The following PCDHA6 variants were observed in gnomAD, a reference collection of about 807,000 sequenced individuals.
The protein encoded by PCDHA6 is protocadherin alpha-6.
Under a neutral mutation model 60.3 loss-of-function variants are expected in PCDHA6, and 55 were observed. The observed-to-expected ratio is 0.91, with a 90% confidence interval of 0.73 to 1.14. The LOEUF is 1.14. Among genes scored for constraint, PCDHA6 ranks in the 50% most tolerant of loss-of-function variants. The pLI, the probability that PCDHA6 is intolerant of heterozygous loss-of-function variation, is 0.00. For missense variants in PCDHA6, 1,327 were observed against 1,256.5 expected, an observed-to-expected ratio of 1.06 and a Z score of -0.85; for synonymous variants, 652 against 557.9, an observed-to-expected ratio of 1.17 and a Z score of -2.38.
chr5:140,849,787 G>A lies in PCDHA6; in HGVS notation c.2394+19302G>A, dbSNP rs1421161535. The stretch of plus-strand genomic sequence containing the variant: ...CTGGTGGTTACCGCGCGGGACGGGG[G>A]CTCGCCTTCACTGTGGGCCACGGCC... On this transcript the variant is annotated intron_variant, in intron 1 of 3. Transcript: ENST00000529310. 3.1e-6 allele frequency: 5 copies of A among 1,598,342 alleles called. 1 individual carries two copies. The highest frequency in any genetic ancestry group is 3.4e-4 in the Middle Eastern group (2 of 5,864).
intron 1 of PCDHA6, chr5:140,877,029 G>A (rs782501659): frequency 4.7e-5 from 75 of 1,612,228 alleles, no homozygotes; most frequent in Middle Eastern, 2.0e-4. Context: ...AGGTGTACGC[G>A]CTGCAGCCGC....
At chr5:140,842,942 G>A in intron 1 of PCDHA6, 1 of 1,594,648 alleles carries the variant, frequency 6.3e-7, no homozygotes, top group Non-Finnish European at 8.6e-7. Flanking sequence ...GCGCGACGCG[G>A]GCGTGCCGCC....
chr5:140,863,282 A>G (rs782183211), intron 1 of PCDHA6: 1 of 1,461,396 alleles, frequency 6.8e-7, no homozygotes, highest in Non-Finnish European at 9.3e-7. Flanking sequence ...GTGGATGTCA[A>G]CGTGTACCTG....
At chr5:140,934,528 G>C (rs782284913) in intron 1 of PCDHA6, among the ~76,000 whole-genome samples, 1 of 152,116 alleles carries the variant, frequency 6.6e-6, no homozygotes, top group African/African-American at 2.4e-5. Flanking sequence ...CACTTCGAGA[G>C]CTACCGTTCT....
chr5:140,964,759 G>T (rs1419505922), intron 1 of PCDHA6, among the ~76,000 whole-genome samples: 6 of 151,804 alleles, frequency 4.0e-5, no homozygotes, highest in Non-Finnish European at 7.4e-5. Context: ...GATGTTTGGG[G>T]AGGATGCAGA....
intron 1 of PCDHA6, among the ~76,000 whole-genome samples, chr5:140,957,527 T>C (rs1441282290): frequency 6.6e-6 from 1 of 152,138 alleles, no homozygotes; most frequent in African/African-American, 2.4e-5. Context: ...AGACATTCAG[T>C]GGGGATCTTA....
chr5:141,000,393 CTCTA>C (rs1240848742), intron 3 of PCDHA6, among the ~76,000 whole-genome samples: 128 of 52,788 alleles, frequency 2.4e-3, no homozygotes, highest in Admixed American at 6.8e-3. Context: ...CTCTCTCTCT[CTCTA>C]TATATATATA....
At position 140,827,965 on chromosome 5, in the gene PCDHA6, T is replaced by C. The variant is rs2150149938; in HGVS notation, c.-127T>C. ...CCAACATTCAAATTTCTTCTATTAC[T>C]GCATCATTCCCTGACTGTTGAATGA... On this transcript the variant is annotated 5_prime_UTR_variant, in exon 1 of 4. Coordinates refer to ENST00000529310, the MANE Select transcript of PCDHA6 (RefSeq NM_018909.4). 6.1e-4 allele frequency: 813 copies of C among 1,335,936 alleles called. 3 individuals carry two copies. The highest frequency in any genetic ancestry group is 2.5e-3 in the South Asian group (173 of 69,782). 82.8% of individuals were successfully genotyped at this position (1,335,936 alleles called of 1,614,324 possible).
At chr5:140,852,881 A>G in intron 1 of PCDHA6, 1 of 940,356 alleles carries the variant, frequency 1.1e-6, no homozygotes, top group Non-Finnish European at 1.3e-6. Flanking sequence ...TAATCATAAA[A>G]CGTATTTTTT....
intron 1 of PCDHA6, among the ~76,000 whole-genome samples, chr5:140,838,065 TTATA>T (rs144773480): frequency 1.1e-4 from 12 of 113,362 alleles, no homozygotes; most frequent in Admixed American, 1.8e-4. Context: ...CCACTTTAAG[TTATA>T]TATATATAGT....
chr5:140,842,516 T>A (rs530202531), intron 1 of PCDHA6: 1 of 1,613,504 alleles, frequency 6.2e-7, no homozygotes, highest in African/African-American at 1.3e-5. Context: ...CAAGCTGGTG[T>A]CCACCTTCAA....
At position 140,852,928 on chromosome 5, in the gene PCDHA6, G is replaced by A. The variant is rs2150525567; in HGVS notation, c.2394+22443G>A. 7.3e-5 allele frequency: 48 copies of A among 653,604 alleles called. 1 individual carries two copies. The highest frequency in any genetic ancestry group is 1.3e-4 in the East Asian group (1 of 7,716). 40.5% of individuals were successfully genotyped at this position (653,604 alleles called of 1,614,324 possible). ...GAGTCTCGCTCTGTTGCCCAGGCTG[G>A]AGTGCAGTGGTGCCATCTTGGCTCA... On this transcript the variant is annotated intron_variant, in intron 1 of 3. Transcript: ENST00000529310.
At chr5:140,977,283 G>A (rs2096753441) in intron 1 of PCDHA6, among the ~76,000 whole-genome samples, 1 of 152,190 alleles carries the variant, frequency 6.6e-6, no homozygotes, top group African/African-American at 2.4e-5. Context: ...CTCAAAGGAA[G>A]GTTCTCTCAG....
intron 1 of PCDHA6, chr5:140,860,142 T>C (rs1288609086): frequency 1.3e-5 from 2 of 149,904 alleles, no homozygotes; most frequent in Admixed American, 6.7e-5. Flanking sequence ...TGTATATATA[T>C]GTATATATGT....
At chr5:140,992,023 G>C (rs1415968916) in intron 3 of PCDHA6, among the ~76,000 whole-genome samples, 2 of 148,226 alleles carry the variant, frequency 1.3e-5, no homozygotes, top group African/African-American at 4.9e-5. Flanking sequence ...GGCTCTGTGT[G>C]TGTGTGTGTG....
At chr5:140,836,137 T>C (rs1774231095) in intron 1 of PCDHA6, 1 of 1,613,594 alleles carries the variant, frequency 6.2e-7, no homozygotes, top group South Asian at 1.1e-5. Context: ...CCGCGGTCTG[T>C]GGGCGCGGGC....
chr5:140,933,377 C>A lies in PCDHA6; in HGVS notation c.2395-45572C>A, dbSNP rs910236493. Among the ~76,000 whole-genome samples the A allele has an allele frequency of 3.9e-5, 6 of 151,980 alleles. No homozygotes were observed. In the South Asian group the frequency reaches 1.2e-3, roughly 31 times the overall value. On this transcript the variant is annotated intron_variant, in intron 1 of 3. Transcript: ENST00000529310. ...TTCTAACCCATCCCAAATTCCTTGG[C>A]TGTTCCTAGAGCCATCTGGTTACCA...
chr5:141,007,395 CAAAAAAAAAAAAAAAA>C (rs35800918), intron 3 of PCDHA6, among the ~76,000 whole-genome samples: 1 of 94,866 alleles, frequency 1.1e-5, no homozygotes. Context: ...TACTAAAATA[CAAAAAAAAAAAAAAAA>C]AAAAAAATTA....
Position 140,830,022 on chromosome 5 carries a change from G to C in PCDHA6, c.1931G>C (p.Arg644Pro). ...GTCCTGGACGAAGCGGACTCTCCGCGCCACCGGCTGCTGGTGCTGGTGAAA... is the reference window on the plus strand; with the variant it reads ...GTCCTGGACGAAGCGGACTCTCCGCCCCACCGGCTGCTGGTGCTGGTGAAA... ...TRVLDEADSP[R>P]HRLLVLVKDH... Residue 644 changes from arginine to proline, a missense_variant, in exon 1 of 4, where the codon CGC becomes CCC. By Grantham distance (103) the Arg-to-Pro change is moderately radical. Coordinates refer to ENST00000529310, the MANE Select transcript of PCDHA6 (RefSeq NM_018909.4). The C allele has an allele frequency of 6.2e-7, 1 of 1,613,860 alleles. No homozygotes were observed. Among genetic ancestry groups the C allele is most frequent in the Non-Finnish European group, 8.5e-7 (1 of 1,179,908 alleles).
Sources: gnomAD v4.1 joint callset for allele counts (sites outside exome capture counted in the v4.1 genomes callset) on GRCh38, gnomAD v4.1.1 for gene constraint, MANE v1.5 for transcripts, NCBI Gene and HGNC (gene_info 2026-07-23, HGNC 2026-07-21) for gene names.